TRPC7: variants seen among roughly 807,000 people sequenced by gnomAD.
The protein encoded by TRPC7 is transient receptor potential cation channel subfamily C member 7.
TRPC7 carries 42 observed loss-of-function variants against 90.1 expected under a neutral mutation model. The observed-to-expected ratio is 0.47, with a 90% CI of 0.36 to 0.60. The LOEUF is 0.60. TRPC7 is among the 20% of genes least tolerant of loss of function. The pLI, the probability that TRPC7 is intolerant of heterozygous loss-of-function variation, is 0.00. For synonymous variants in TRPC7, 451 were observed against 436.3 expected, an observed-to-expected ratio of 1.03 and a Z score of -0.42; for missense variants, 955 against 1,112.3, an observed-to-expected ratio of 0.86 and a Z score of 2.01.
chr5:136,332,945 G>T (rs1049208029), intron 2 of TRPC7, among the ~76,000 whole-genome samples: 1 of 152,176 alleles, frequency 6.6e-6, no homozygotes, highest in Non-Finnish European at 1.5e-5. Flanking sequence ...AGTTTTCTTT[G>T]TCCTTCGAGG....
At chr5:136,350,568 G>A (rs1455845074) in intron 2 of TRPC7, among the ~76,000 whole-genome samples, 34 of 152,142 alleles carry the variant, frequency 2.2e-4, no homozygotes. Context: ...TGAATGGTCT[G>A]GGAAAAGCAT....
chr5:136,237,335 G>A (rs889335295), intron 7 of TRPC7, among the ~76,000 whole-genome samples: 2 of 152,184 alleles, frequency 1.3e-5, no homozygotes, highest in African/African-American at 4.8e-5. Flanking sequence ...TTATACTGAG[G>A]GGTTTCACTG....
At chr5:136,271,564 A>G (rs1435394389) in intron 4 of TRPC7, among the ~76,000 whole-genome samples, 1 of 152,228 alleles carries the variant, frequency 6.6e-6, no homozygotes, top group Non-Finnish European at 1.5e-5. Context: ...GTCCTTGTTG[A>G]GAGAATAAAG....
In TRPC7 at chr5:136,295,433, C is replaced by T. The variant is rs1459806650; in HGVS notation, c.963+20164G>A. ...CTGTGGACTGGACAAGAACATTGTGCTCTGCCAGTTCATTGGTCCTTCCCT... is the reference window on the plus strand; with the variant it reads ...CTGTGGACTGGACAAGAACATTGTGTTCTGCCAGTTCATTGGTCCTTCCCT... On this transcript the variant is annotated intron_variant, in intron 3 of 11. Coordinates refer to ENST00000513104, the MANE Select transcript of TRPC7 (RefSeq NM_020389.3). Among the ~76,000 whole-genome samples, 3 of 152,138 alleles carry T rather than the reference C, an allele frequency of 2.0e-5. No individual in the cohort carries two copies. In the East Asian group the frequency reaches 5.8e-4, roughly 29 times the overall value.
chr5:136,295,227 A>T lies in TRPC7; in HGVS notation c.963+20370T>A, dbSNP rs1053776503. ...TGGGTGCAGCACACCAACTTGGCAC[A>T]TGTATACATATGTAACAAACCTGCA... On this transcript the variant is annotated intron_variant, in intron 3 of 11. Transcript: ENST00000513104. 2.0e-5 allele frequency among the ~76,000 whole-genome samples: 3 copies of T among 152,176 alleles called. No homozygotes were observed. The East Asian group carries it at 5.8e-4, about 29-fold the overall frequency.
intron 4 of TRPC7, among the ~76,000 whole-genome samples, chr5:136,272,286 C>T (rs1460916860): frequency 6.6e-6 from 1 of 152,170 alleles, no homozygotes; most frequent in Non-Finnish European, 1.5e-5. Flanking sequence ...TTCGCCATTG[C>T]CCTCCTTTTG....
intron 8 of TRPC7, among the ~76,000 whole-genome samples, chr5:136,228,042 G>A (rs557058701): frequency 4.5e-4 from 69 of 152,240 alleles, no homozygotes; most frequent in Non-Finnish European, 7.5e-4. Flanking sequence ...GATCCATGCC[G>A]TGGTGGAACA....
intron 2 of TRPC7, among the ~76,000 whole-genome samples, chr5:136,332,143 C>A (rs1759521510): frequency 6.6e-6 from 1 of 151,116 alleles, no homozygotes; most frequent in Non-Finnish European, 1.5e-5. Flanking sequence ...AGAGAGTTAC[C>A]CAAATATATA....
In TRPC7 at chr5:136,349,340, A is replaced by G. The variant is rs80061987; in HGVS notation, c.780+7268T>C. Among the ~76,000 whole-genome samples, 298 of 152,326 alleles carry G rather than the reference A, an allele frequency of 2.0e-3. 1 individual carries two copies. Among genetic ancestry groups the G allele is most frequent in the African/African-American group, 6.5e-3 (271 of 41,572 alleles). On this transcript the variant is annotated intron_variant, in intron 2 of 11. Coordinates refer to ENST00000513104, the MANE Select transcript of TRPC7 (RefSeq NM_020389.3). ...GGAAAAATCTGCTATGGGAATGGGAAGCTTAACAGAAATCAGCAAGACCCT... is the reference window on the plus strand; with the variant it reads ...GGAAAAATCTGCTATGGGAATGGGAGGCTTAACAGAAATCAGCAAGACCCT...
intron 4 of TRPC7, among the ~76,000 whole-genome samples, 170 bp from the exon 5 acceptor site, chr5:136,266,606 C>T (rs1475260874): frequency 6.6e-6 from 1 of 152,156 alleles, no homozygotes; most frequent in South Asian, 2.1e-4. Context: ...TGAGATGCTG[C>T]TTGACCAAAC....
At position 136,236,329 on chromosome 5, in the gene TRPC7, A is replaced by C. The variant is rs1466150483; in HGVS notation, c.1845-4780T>G. Among the ~76,000 whole-genome samples the C allele has an allele frequency of 2.6e-5, 4 of 152,298 alleles. No individual in the cohort carries two copies. In the South Asian group the frequency reaches 6.2e-4, roughly 24 times the overall value. ...GGTGCTTCTGCACAGGGTTGAATGG[A>C]GTCAATAATTCAGCTGCTTGTTTTC... On this transcript the variant is annotated intron_variant, in intron 7 of 11. Coordinates refer to ENST00000513104, the MANE Select transcript of TRPC7 (RefSeq NM_020389.3).
At chr5:136,252,559 G>A (rs886229855) in intron 5 of TRPC7, among the ~76,000 whole-genome samples, 2 of 141,406 alleles carry the variant, frequency 1.4e-5, no homozygotes, top group African/African-American at 2.6e-5. Flanking sequence ...CTTCCTCTAA[G>A]CCAGCAGCCC....
intron 3 of TRPC7, among the ~76,000 whole-genome samples, chr5:136,313,457 G>A (rs1288150414): frequency 6.6e-6 from 1 of 152,090 alleles, no homozygotes; most frequent in African/African-American, 2.4e-5. Context: ...ATTTAAGTAG[G>A]TCTTGCTGCT....
At chr5:136,344,329 C>T (rs1283399349) in intron 2 of TRPC7, among the ~76,000 whole-genome samples, 4 of 152,080 alleles carry the variant, frequency 2.6e-5, no homozygotes, top group African/African-American at 4.8e-5. Context: ...TAGTTTTTAC[C>T]GTGGTACTTA....
At chr5:136,233,349 G>A (rs531089345) in intron 7 of TRPC7, among the ~76,000 whole-genome samples, 6 of 152,332 alleles carry the variant, frequency 3.9e-5, no homozygotes, top group South Asian at 4.1e-4. Flanking sequence ...TGGAAGGGGG[G>A]AGAACTGTTT....
At chr5:136,356,469 C>T (rs1040788468) in intron 2 of TRPC7, 139 bp downstream of exon 2, 3 of 853,672 alleles carry the variant, frequency 3.5e-6, no homozygotes, top group South Asian at 2.6e-5. Flanking sequence ...AGATGTGTTC[C>T]CCTCCTCCCC....
intron 3 of TRPC7, among the ~76,000 whole-genome samples, chr5:136,294,169 G>A (rs974756356): frequency 8.7e-4 from 133 of 152,098 alleles, no homozygotes; most frequent in Non-Finnish European, 1.3e-3. Flanking sequence ...TAAATGTTAG[G>A]CCTAAAACCA....
At chr5:136,239,321 G>A (rs921916482) in intron 7 of TRPC7, among the ~76,000 whole-genome samples, 1 of 152,334 alleles carries the variant, frequency 6.6e-6, no homozygotes, top group Middle Eastern at 3.4e-3. Context: ...GAAAGGTGGA[G>A]ATTGTAACTT....
At chr5:136,364,413 A>C (rs969663104) in intron 1 of TRPC7, among the ~76,000 whole-genome samples, 2 of 152,252 alleles carry the variant, frequency 1.3e-5, no homozygotes, top group Non-Finnish European at 2.9e-5. Flanking sequence ...CATCACATCC[A>C]TAATGAATAT....
Sources: allele counts gnomAD v4.1 joint callset (sites outside exome capture counted in the v4.1 genomes callset), GRCh38; gene constraint gnomAD v4.1.1; transcripts MANE v1.5; gene names NCBI Gene and HGNC (gene_info 2026-07-23, HGNC 2026-07-21).